BRPF1: variants seen among roughly 807,000 people sequenced by gnomAD.
The protein encoded by BRPF1 is bromodomain and PHD finger containing 1, also known as peregrin.
Under a neutral mutation model 115.0 loss-of-function variants are expected in BRPF1, and 15 were observed. The observed-to-expected ratio is 0.13, with a 90% CI of 0.09 to 0.20. The LOEUF (loss-of-function observed/expected upper bound fraction) is 0.20, where lower values mean the gene tolerates loss of function less well. BRPF1 is among the 10% of genes least tolerant of loss of function. The pLI is 1.00. For synonymous variants in BRPF1, 647 were observed against 619.8 expected, an observed-to-expected ratio of 1.04 and a Z score of -0.65; for missense variants, 1,118 against 1,638.3, an observed-to-expected ratio of 0.68 and a Z score of 5.48.
At chr3:9,737,698 T>TAA (rs1213807996) in intron 2 of BRPF1, among the ~76,000 whole-genome samples, 2 of 152,314 alleles carry the variant, frequency 1.3e-5, no homozygotes, top group East Asian at 3.9e-4. Flanking sequence ...TAAATGTACA[T>TAA]ATTTGCACAC....
chr3:9,741,632 G>A (rs1458693771), intron 5 of BRPF1, among the ~76,000 whole-genome samples, 193 bp downstream of exon 5: 35 of 101,744 alleles, frequency 3.4e-4, no homozygotes, highest in African/African-American at 9.0e-4. Context: ...GCGAGACTCC[G>A]TCTCAAAAAA....
rs889776796 is a variant in BRPF1 at position 9,734,989 on chromosome 3, A to G, written c.599+250A>G. ...TTCTCATTTCACAGATGAGGAAACT[A>G]TGGTCAAGAAAGGGTGCCAGATTTA... is the stretch of plus-strand genomic sequence containing the variant. On this transcript the variant is annotated intron_variant, in intron 2 of 13. Coordinates refer to ENST00000383829, the MANE Select transcript of BRPF1 (RefSeq NM_001003694.2). This position sits in a 1 kb window ranked among gnomAD's most constrained non-coding sequence, Gnocchi z 5.7. 2.8e-5 allele frequency among the ~76,000 whole-genome samples: 4 copies of G among 143,184 alleles called. No homozygotes were observed. Among genetic ancestry groups the G allele is most frequent in the African/African-American group, 1.0e-4 (4 of 38,538 alleles). 93.9% of individuals were successfully genotyped at this position (143,184 alleles called of 152,430 possible).
chr3:9,746,467 G>A lies in BRPF1; in HGVS notation c.3479+13G>A. The A allele has an allele frequency of 6.4e-7, 1 of 1,555,052 alleles. No individual in the cohort carries two copies. The highest frequency in any genetic ancestry group is 8.7e-7 in the Non-Finnish European group (1 of 1,143,032). On this transcript the variant is annotated intron_variant, in intron 13 of 13. Transcript: ENST00000383829. ...ACAAACGAACCTGGTAAGGAGGGGA[G>A]CATTTGGTGTGACTCACAGCCACAG...
In BRPF1 at chr3:9,743,801, C is replaced by T. The variant is rs1473908273; in HGVS notation, c.2535C>T (p.Pro845=). Residue 845 remains proline (P), a synonymous_variant, in exon 8 of 14, where the codon CCC becomes CCT. Transcript: ENST00000383829. This position sits in a 1 kb window ranked among gnomAD's most constrained non-coding sequence, Gnocchi z 6.1. Reference sequence around the variant, plus strand: ...GTGATGGCCCTGAGCGGCATGGCCCCTCGAGCCGGGGTAGTCTGACACCCC... The same window carrying T: ...GTGATGGCCCTGAGCGGCATGGCCCTTCGAGCCGGGGTAGTCTGACACCCC... ...TGRDGPERHG[P]SSRGSLTPHP... is the part of the protein sequence containing the mutation. The T allele has an allele frequency of 3.1e-6, 5 of 1,613,246 alleles. No homozygotes were observed. The highest frequency in any genetic ancestry group is 4.2e-6 in the Non-Finnish European group (5 of 1,179,434).
intron 8 of BRPF1, 100 bp from the exon 9 acceptor site, chr3:9,744,124 C>A: frequency 2.2e-6 from 3 of 1,393,172 alleles, no homozygotes; most frequent in Non-Finnish European, 2.9e-6. Context: ...CCAACGTTAG[C>A]TGGAGTAATG....
intron 2 of BRPF1, 73 bp from the exon 3 acceptor site, chr3:9,738,926 G>A (rs2076984715): frequency 9.7e-6 from 14 of 1,443,722 alleles, no homozygotes; most frequent in South Asian, 1.4e-5. Context: ...AGTGCTCAAT[G>A]GCAAATGACC....
chr3:9,740,891 C>T lies in BRPF1; in HGVS notation c.1672C>T (p.Arg558Cys), dbSNP rs769439953. The part of the protein sequence containing the change: ...RQSRNGVPLL[R>C]RLQTHLQSQR... ...GTCACGGAATGGGGTCCCATTGCTACGTCGCCTGCAGACACACCTGCAATC... is the reference window on the plus strand; with the variant it reads ...GTCACGGAATGGGGTCCCATTGCTATGTCGCCTGCAGACACACCTGCAATC... The change falls in exon 4 of 14, where the codon CGT (arginine) becomes TGT (cysteine). Residue 558 changes from arginine to cysteine, a missense_variant. Transcript: ENST00000383829. 3 of 1,613,874 alleles carry T rather than the reference C, an allele frequency of 1.9e-6. No homozygotes were observed. The highest frequency in any genetic ancestry group is 2.5e-6 in the Non-Finnish European group (3 of 1,180,040).
Position 9,739,806 on chromosome 3 carries a change from T to G in BRPF1, c.1407T>G (p.Asp469Glu). The G allele has an allele frequency of 1.2e-6, 2 of 1,611,320 alleles. No homozygotes were observed. Among genetic ancestry groups the G allele is most frequent in the South Asian group, 2.2e-5 (2 of 90,696 alleles). The change falls in exon 3 of 14, where the codon GAT (aspartate) becomes GAG (glutamate). Residue 469 changes from aspartate to glutamate, a missense_variant. Around this residue, in one of 10 missense-constraint regions of BRPF1, gnomAD observed 87 missense variants for 93.4 expected, o/e 0.93. Coordinates refer to ENST00000383829, the MANE Select transcript of BRPF1 (RefSeq NM_001003694.2). ...ACAGCGAGGGTGAGGAGGATGAAGA[T>G]GAGGAGGAGGATGAGGGTAAGGGCT... ...LSHSEGEEDE[D>E]EEEDEGKGWS...
At position 9,738,994 on chromosome 3, in the gene BRPF1, C is replaced by G; in HGVS notation, c.600-5C>G. The G allele has an allele frequency of 6.5e-7, 1 of 1,549,794 alleles. No individual in the cohort carries two copies. The highest frequency in any genetic ancestry group is 8.7e-7 in the Non-Finnish European group (1 of 1,146,864). On this transcript the variant is annotated splice_region_variant and splice_polypyrimidine_tract_variant and intron_variant, in intron 2 of 13. Coordinates refer to ENST00000383829, the MANE Select transcript of BRPF1 (RefSeq NM_001003694.2). Reference sequence around the variant, plus strand: ...GTGATGCTGAGTTCCCTGTTTGTACCGTAGGTACATCGAGAAGTCTGCAGA... The same window carrying G: ...GTGATGCTGAGTTCCCTGTTTGTACGGTAGGTACATCGAGAAGTCTGCAGA...
Position 9,743,572 on chromosome 3 carries a change from C to T in BRPF1, c.2312-6C>T, listed in dbSNP as rs748948725. 1.2e-6 allele frequency: 2 copies of T among 1,609,876 alleles called. No homozygotes were observed. The highest frequency in any genetic ancestry group is 2.2e-5 in the East Asian group (1 of 44,854). On this transcript the variant is annotated splice_polypyrimidine_tract_variant and splice_region_variant and intron_variant, in intron 7 of 13. Coordinates refer to ENST00000383829, the MANE Select transcript of BRPF1 (RefSeq NM_001003694.2). This position sits in a 1 kb window ranked among gnomAD's most constrained non-coding sequence, Gnocchi z 6.1. ...TCTGACCTTTCCCCTCCAACCCTAC[C>T]CCTAGCAGCCGAGGAAGAGCGGCTG...
In BRPF1 at chr3:9,743,093, C is replaced by T. The variant is rs1400350375; in HGVS notation, c.2151C>T (p.Asp717=). 1.9e-6 allele frequency: 3 copies of T among 1,614,254 alleles called. No homozygotes were observed. The highest frequency in any genetic ancestry group is 2.5e-6 in the Non-Finnish European group (3 of 1,180,044). ...VSNCLKYNAK[D]TIFYRAAVRL... ...ACTGCCTCAAGTATAACGCCAAGGA[C>T]ACCATCTTCTACCGGGCAGCAGTGC... Residue 717 remains aspartate, a synonymous_variant, in exon 7 of 14, where the codon GAC becomes GAT. Transcript: ENST00000383829. This position sits in a 1 kb window ranked among gnomAD's most constrained non-coding sequence, Gnocchi z 6.1.
At chr3:9,744,920 A>G (rs59520031) in intron 9 of BRPF1, 88 bp from the exon 10 acceptor site, 36,149 of 1,573,004 alleles carry the variant, frequency 0.023, 1,364 homozygotes, top group Admixed American at 0.16. Flanking sequence ...AGGGGAACCC[A>G]AGCTCCAAGT....
Position 9,745,451 on chromosome 3 carries a change from T to A in BRPF1, c.3069-122T>A. On this transcript the variant is annotated intron_variant, in intron 10 of 13. Transcript: ENST00000383829. The surrounding 1 kb of genome is among the most constrained non-coding windows in gnomAD (Gnocchi z 5.1). The stretch of plus-strand genomic sequence containing the variant: ...TGTGGGTGTTTGAATTTGAAATTCC[T>A]CATATAGCCTCTGCTTTCCAAAAGT... The A allele has an allele frequency of 1.7e-6, 2 of 1,206,806 alleles. No individual in the cohort carries two copies. The allele number at this position is 1,206,806 out of a possible 1,614,324, so 74.8% of individuals were successfully genotyped here. A position where few individuals can be genotyped will look rare whatever the true frequency, so the allele number is the denominator to read the frequency against.
Position 9,743,153 on chromosome 3 carries a change from G to C in BRPF1, c.2211G>C (p.Gln737His), listed in dbSNP as rs763891715. The C allele has an allele frequency of 6.2e-7, 1 of 1,614,260 alleles. No homozygotes were observed. Among genetic ancestry groups the C allele is most frequent in the Non-Finnish European group, 8.5e-7 (1 of 1,180,042 alleles). The change falls in exon 7 of 14, where the codon CAG (glutamine) becomes CAC (histidine). Residue 737 changes from glutamine (Q) to histidine (H), a missense_variant. Gln to His is a conservative substitution (Grantham distance 24). This residue lies in a region of BRPF1 where 223 missense variants were observed against 240.7 expected (regional missense o/e 0.93). Coordinates refer to ENST00000383829, the MANE Select transcript of BRPF1 (RefSeq NM_001003694.2). The surrounding 1 kb of genome is among the most constrained non-coding windows in gnomAD (Gnocchi z 6.1). ...AGCAGGGTGGTGCTGTGCTCCGCCAGGCCCGGCGCCAGGCAGAAAAAATGG... is the reference window on the plus strand; with the variant it reads ...AGCAGGGTGGTGCTGTGCTCCGCCACGCCCGGCGCCAGGCAGAAAAAATGG... The part of the protein sequence containing the change: ...LREQGGAVLR[Q>H]ARRQAEKMGI...
At chr3:9,744,043 C>A in intron 8 of BRPF1, 142 bp downstream of exon 8, 2 of 1,289,404 alleles carry the variant, frequency 1.6e-6, no homozygotes, top group South Asian at 1.5e-5. Context: ...AATCAGGGGC[C>A]TCTTAGCTGC....
Position 9,739,494 on chromosome 3 carries a change from G to C in BRPF1, c.1095G>C (p.Thr365=). The C allele has an allele frequency of 6.2e-7, 1 of 1,613,588 alleles. No individual in the cohort carries two copies. The highest frequency in any genetic ancestry group is 8.5e-7 in the Non-Finnish European group (1 of 1,179,610). ...LWIPEVCFAN[T]VFLEPIDSIE... is the part of the protein sequence containing the mutation. ...TCCCTGAGGTCTGCTTCGCCAACACGGTCTTCCTAGAGCCTATTGACAGCA... is the reference window on the plus strand; with the variant it reads ...TCCCTGAGGTCTGCTTCGCCAACACCGTCTTCCTAGAGCCTATTGACAGCA... Residue 365 remains threonine, a synonymous_variant, in exon 3 of 14, where the codon ACG becomes ACC. Coordinates refer to ENST00000383829, the MANE Select transcript of BRPF1 (RefSeq NM_001003694.2).
At position 9,743,433 on chromosome 3, in the gene BRPF1, A is replaced by G; in HGVS notation, c.2312-145A>G. ...GGGTGAATGGATAGCAGTGCCCGCC[A>G]TTCCACATCTTGGTGCTGCTATTTT... On this transcript the variant is annotated intron_variant, in intron 7 of 13. Transcript: ENST00000383829. The surrounding 1 kb of genome is among the most constrained non-coding windows in gnomAD (Gnocchi z 6.1). 1.7e-6 allele frequency: 2 copies of G among 1,205,722 alleles called. No homozygotes were observed. The highest frequency in any genetic ancestry group is 2.3e-6 in the Non-Finnish European group (2 of 864,372). The allele number at this position is 1,205,722 out of a possible 1,614,324, so 74.7% of individuals were successfully genotyped here.
Position 9,746,389 on chromosome 3 carries a change from G to A in BRPF1, c.3414G>A (p.Glu1138=), listed in dbSNP as rs768071080. ...VPPLEVLKLG[E]QMTQEAREHL... ...CACTGGAGGTGCTGAAACTTGGGGAGCAGATGACCCAGGAAGCCCGAGAGC... is the reference window on the plus strand; with the variant it reads ...CACTGGAGGTGCTGAAACTTGGGGAACAGATGACCCAGGAAGCCCGAGAGC... The change falls in exon 13 of 14, where the codon GAG becomes GAA. Residue 1138 remains glutamate, a synonymous_variant. Coordinates refer to ENST00000383829, the MANE Select transcript of BRPF1 (RefSeq NM_001003694.2). 3.1e-6 allele frequency: 5 copies of A among 1,609,372 alleles called. No homozygotes were observed. The highest frequency in any genetic ancestry group is 2.2e-5 in the East Asian group (1 of 44,668).
At chr3:9,732,811 G>A (rs1252132577) in intron 1 of BRPF1, 1 of 152,262 alleles carries the variant, frequency 6.6e-6, no homozygotes, top group Non-Finnish European at 1.5e-5. Context: ...GGCCAAGAGG[G>A]GTTATTTTGT....
Sources: allele counts gnomAD v4.1 joint callset (sites outside exome capture counted in the v4.1 genomes callset), GRCh38; gene constraint gnomAD v4.1.1; regional missense constraint gnomAD v4.1.1; non-coding constraint Gnocchi (gnomAD v3.1); transcripts MANE v1.5; gene names NCBI Gene and HGNC (gene_info 2026-07-23, HGNC 2026-07-21).